The following GART variants were observed in gnomAD, a reference collection of about 807,000 sequenced individuals.
The protein encoded by GART is trifunctional purine biosynthetic protein adenosine-3.
In GART, 43 loss-of-function variants were observed where a neutral mutation model predicts 107.2. The ratio of observed to expected loss-of-function variants is 0.40; its 90% CI spans 0.31 to 0.52. The LOEUF is 0.52. Among genes scored for constraint, GART ranks in the 20% least tolerant of loss-of-function variants. The pLI is 0.52. For synonymous variants in GART, 434 were observed against 427.0 expected (o/e 1.02, Z -0.20); for missense variants, 1,107 against 1,206.5 (o/e 0.92, Z 1.22).
intron 16 of GART, among the ~76,000 whole-genome samples, chr21:33,512,570 TATTTG>T (rs143276211): frequency 0.019 from 2,835 of 152,186 alleles, 35 homozygotes; most frequent in Non-Finnish European, 0.027. Flanking sequence ...TCTGCCTATT[TATTTG>T]ATTTATTTAT....
intron 14 of GART, among the ~76,000 whole-genome samples, chr21:33,519,308 C>G (rs1376391460): frequency 6.6e-6 from 1 of 152,106 alleles, no homozygotes; most frequent in Non-Finnish European, 1.5e-5. Context: ...AATCCCAGCA[C>G]TTTGGGAGGC....
intron 1 of GART, among the ~76,000 whole-genome samples, chr21:33,541,260 T>C (rs953537524): frequency 6.6e-6 from 1 of 152,172 alleles, no homozygotes; most frequent in African/African-American, 2.4e-5. Flanking sequence ...TTCTCTTGCC[T>C]CACAGCCTCC....
At chr21:33,526,296 G>T (rs1218203958) in intron 10 of GART, among the ~76,000 whole-genome samples, 1 of 152,050 alleles carries the variant, frequency 6.6e-6, no homozygotes. Context: ...TCAGCCTCCT[G>T]AGTAGCTAGG....
At chr21:33,520,872 T>G (rs2084960428) in intron 13 of GART, 34 bp downstream of exon 13, 2 of 1,452,066 alleles carry the variant, frequency 1.4e-6, no homozygotes, top group Non-Finnish European at 1.9e-6. Flanking sequence ...TCATCTTTCC[T>G]AAAAGGCCTT....
At chr21:33,508,781 C>T (rs1216455488) in intron 18 of GART, among the ~76,000 whole-genome samples, 1 of 152,128 alleles carries the variant, frequency 6.6e-6, no homozygotes, top group African/African-American at 2.4e-5. Flanking sequence ...TCCCAAAGTG[C>T]TAGGATTACA....
At chr21:33,524,558 TA>T in intron 11 of GART, 1 of 1,264,284 alleles carries the variant, frequency 7.9e-7, no homozygotes, top group Non-Finnish European at 9.9e-7. Flanking sequence ...GTGATTTTGC[TA>T]AACTTTCCAA....
chr21:33,519,178 C>A, intron 14 of GART: 1 of 199,956 alleles, frequency 5.0e-6, no homozygotes. Context: ...CTCAAGGGGT[C>A]CTGGGTAGAC....
rs1450623450 is a variant in GART, at chr21:33,504,494, G to A, written c.2759C>T (p.Pro920Leu). The A allele has an allele frequency of 1.2e-6, 2 of 1,613,994 alleles. No homozygotes were observed. The highest frequency in any genetic ancestry group is 1.1e-5 in the South Asian group (1 of 91,080). ...ATGGGCATTTGAACCCTTAAAAGAA[G>A]GGAGCAAGGATGGGTGGATATTGAG... is the stretch of plus-strand genomic sequence containing the variant. The part of the protein sequence containing the change: ...KMLNIHPSLL[P>L]SFKGSNAHEQ... The change falls in exon 21 of 22, where the codon CCT becomes CTT. Residue 920 changes from proline to leucine, a missense_variant. Physicochemically the swap from Pro to Leu is moderately conservative, Grantham distance 98 (BLOSUM62 -3). Transcript: ENST00000381815.
Position 33,534,634 on chromosome 21 carries a change from T to G in GART, c.361A>C (p.Thr121Pro). ...TTGGTGAAAGCCTTCCATTGTGCGG[T>G]TGGGATTCCATGTCTGTCCATAAAC... ...KEFMDRHGIP[T>P]AQWKAFTKPE... The change falls in exon 4 of 22, where the codon ACC becomes CCC. Residue 121 changes from threonine (T) to proline (P), a missense_variant. Coordinates refer to ENST00000381815, the MANE Select transcript of GART (RefSeq NM_000819.5). 6.2e-7 allele frequency: 1 copy of G among 1,614,216 alleles called. No homozygotes were observed. The highest frequency in any genetic ancestry group is 8.5e-7 in the Non-Finnish European group (1 of 1,180,034).
Position 33,541,461 on chromosome 21 carries a change from A to C in GART, c.-42+604T>G, listed in dbSNP as rs2085422275. Among the ~76,000 whole-genome samples the C allele has an allele frequency of 2.6e-5, 4 of 152,232 alleles. No individual in the cohort carries two copies. The South Asian group carries it at 8.3e-4, about 32-fold the overall frequency. On this transcript the variant is annotated intron_variant, in intron 1 of 21. Transcript: ENST00000381815. ...GAAATAAACAGATCTTTAAATCTAG[A>C]GCAAATGTTACATCTTTAGTTTGAA...
intron 16 of GART, among the ~76,000 whole-genome samples, 169 bp downstream of exon 16, chr21:33,516,820 T>G (rs988289175): frequency 1.3e-5 from 2 of 152,138 alleles, no homozygotes; most frequent in African/African-American, 4.8e-5. Context: ...ATACAGATAA[T>G]GAAGCAAAAA....
At chr21:33,513,945 T>C (rs1412271314) in intron 16 of GART, among the ~76,000 whole-genome samples, 1 of 152,102 alleles carries the variant, frequency 6.6e-6, no homozygotes, top group Non-Finnish European at 1.5e-5. Flanking sequence ...AAGTACTTCA[T>C]GAATAATGTA....
intron 17 of GART, chr21:33,510,226 AGACCACCCAC>A: frequency 4.1e-6 from 1 of 241,474 alleles, no homozygotes; most frequent in Middle Eastern, 1.5e-3. Context: ...CTTCCTAGCG[AGACCACCCAC>A]AGTAGTGCCA....
intron 11 of GART, chr21:33,524,442 TTG>T: frequency 1.7e-6 from 1 of 600,536 alleles, no homozygotes; most frequent in Non-Finnish European, 2.1e-6. Flanking sequence ...TCCCAGCTAT[TTG>T]GGAGGCTGAG....
At chr21:33,541,780 C>A (rs148473340) in intron 1 of GART, among the ~76,000 whole-genome samples, 1 of 152,110 alleles carries the variant, frequency 6.6e-6, no homozygotes, top group Non-Finnish European at 1.5e-5. Context: ...CCAGAGACAA[C>A]GGGTGCATAA....
chr21:33,520,833 A>G, intron 13 of GART, 73 bp downstream of exon 13: 2 of 1,158,328 alleles, frequency 1.7e-6, no homozygotes, highest in East Asian at 2.4e-5. Context: ...TGTCAAGAGA[A>G]GAAAAATACA....
At chr21:33,521,951 CAAAAAA>C (rs1252653074) in intron 12 of GART, among the ~76,000 whole-genome samples, 101 of 82,814 alleles carry the variant, frequency 1.2e-3, no homozygotes, top group Non-Finnish European at 2.1e-3. Context: ...ACTCTTGTCT[CAAAAAA>C]AAAAAAAAAA....
chr21:33,525,108 T>C (rs1477679034), intron 10 of GART, 108 bp from the exon 11 acceptor site: 98 of 1,438,754 alleles, frequency 6.8e-5, no homozygotes, highest in Non-Finnish European at 8.7e-5. Flanking sequence ...TTAACTTGGC[T>C]AGGTGCGGTG....
chr21:33,534,557 TCA>T lies in GART; in HGVS notation c.416+20_416+21del, dbSNP rs774529926. ...AATATCAAAACTAAACAACTGTCCT[TCA>T]CAGACAACCATTTACCTACCTCAAA... is the stretch of plus-strand genomic sequence containing the variant. On this transcript the variant is annotated intron_variant, in intron 4 of 21. Transcript: ENST00000381815. The T allele has an allele frequency of 6.2e-7, 1 of 1,613,650 alleles. No individual in the cohort carries two copies. The highest frequency in any genetic ancestry group is 1.1e-5 in the South Asian group (1 of 91,052).
Sources: gnomAD v4.1 joint callset for allele counts (sites outside exome capture counted in the v4.1 genomes callset) on GRCh38, gnomAD v4.1.1 for gene constraint, MANE v1.5 for transcripts, NCBI Gene and HGNC (gene_info 2026-07-23, HGNC 2026-07-21) for gene names.